The following RFESD variants were observed in gnomAD, a reference collection of about 807,000 sequenced individuals.
RFESD encodes the protein Rieske Fe-S domain containing.
RFESD carries 16 observed loss-of-function variants against 24.4 expected under a neutral mutation model. The observed-to-expected ratio is 0.66, with a 90% CI of 0.44 to 1.00. The LOEUF (loss-of-function observed/expected upper bound fraction) is 1.00, where lower values mean the gene tolerates loss of function less well. Among genes scored for constraint, RFESD ranks in the 50% least tolerant of loss-of-function variants. RFESD has a pLI of 0.00. For missense variants in RFESD, 208 were observed against 247.0 expected, an observed-to-expected ratio of 0.84 and a Z score of 1.06; for synonymous variants, 59 against 81.8, an observed-to-expected ratio of 0.72 and a Z score of 1.50.
intron 5 of RFESD, 95 bp from the exon 6 acceptor site, chr5:95,655,950 TG>T (rs1313975824): frequency 8.7e-7 from 1 of 1,155,992 alleles, no homozygotes; most frequent in Non-Finnish European, 1.2e-6. Flanking sequence ...AAAGCTAACC[TG>T]TTTTTTTAAC....
chr5:95,653,239 C>T (rs1187795572), intron 3 of RFESD, 25 bp downstream of exon 3: 1 of 1,551,218 alleles, frequency 6.4e-7, no homozygotes, highest in South Asian at 1.2e-5. Context: ...GGTTTTCATT[C>T]ATACCCACCT....
intron 5 of RFESD, 181 bp from the exon 6 acceptor site, chr5:95,655,865 A>G: frequency 1.7e-6 from 1 of 575,196 alleles, no homozygotes; most frequent in East Asian, 2.9e-5. Context: ...AATCAACTGT[A>G]AAAGAGCTTG....
Position 95,654,137 on chromosome 5 carries a change from A to C in RFESD, c.235A>C (p.Ile79Leu). ...TGTGTGTGTGGGCAGAGAAGATGAC[A>C]TTAAAAAATCTGAAAGAATGACAGC... ...SSVCVGREDD[I>L]KKSERMTAVV... Residue 79 changes from isoleucine to leucine, a missense_variant, in exon 4 of 6, where the codon ATT (isoleucine) becomes CTT (leucine). Physicochemically the swap from Ile to Leu is conservative, Grantham distance 5. Coordinates refer to ENST00000380005, the MANE Select transcript of RFESD (RefSeq NM_001131066.2). 1 of 1,612,316 alleles carries C rather than the reference A, an allele frequency of 6.2e-7. No individual in the cohort carries two copies. Among genetic ancestry groups the C allele is most frequent in the African/African-American group, 1.3e-5 (1 of 75,000 alleles).
Position 95,653,110 on chromosome 5 carries a change from C to T in RFESD, c.61-7C>T, listed in dbSNP as rs978890547. 1 of 1,551,416 alleles carries T rather than the reference C, an allele frequency of 6.4e-7. No homozygotes were observed. The highest frequency in any genetic ancestry group is 1.4e-5 in the African/African-American group (1 of 73,032). On this transcript the variant is annotated splice_polypyrimidine_tract_variant and splice_region_variant and intron_variant, in intron 2 of 5. Transcript: ENST00000380005. ...CCTTCAGGCTTTTGTATTTGCTCTTCTTTCAGTATGGAATTCTCTTCCCCA... is the reference window on the plus strand; with the variant it reads ...CCTTCAGGCTTTTGTATTTGCTCTTTTTTCAGTATGGAATTCTCTTCCCCA...
chr5:95,654,093 A>G lies in RFESD; in HGVS notation c.191A>G (p.Glu64Gly). ...CTTGATGGCTCTGCACAAGATCCTG[A>G]AAAGAGGGAATATTCTTCTGTGTGT... The part of the protein sequence containing the change: ...MNLDGSAQDP[E>G]KREYSSVCVG... The change falls in exon 4 of 6, where the codon GAA becomes GGA. Residue 64 changes from glutamate to glycine, a missense_variant. Physicochemically the swap from Glu to Gly is moderately conservative, Grantham distance 98. Transcript: ENST00000380005. 6.2e-7 allele frequency: 1 copy of G among 1,611,664 alleles called. No homozygotes were observed. Among genetic ancestry groups the G allele is most frequent in the Non-Finnish European group, 8.5e-7 (1 of 1,179,780 alleles).
chr5:95,648,381 G>A (rs1750188291), intron 1 of RFESD, among the ~76,000 whole-genome samples: 1 of 152,166 alleles, frequency 6.6e-6, no homozygotes. Context: ...GTTTCATTCA[G>A]TTAAGATTCT....
At chr5:95,650,386 T>C (rs1428955211) in intron 1 of RFESD, among the ~76,000 whole-genome samples, 1 of 152,158 alleles carries the variant, frequency 6.6e-6, no homozygotes, top group Admixed American at 6.5e-5. Context: ...TGCACAAACA[T>C]GAACACACAT....
intron 5 of RFESD, among the ~76,000 whole-genome samples, chr5:95,654,903 T>C (rs1750642425): frequency 6.6e-6 from 1 of 152,030 alleles, no homozygotes; most frequent in Non-Finnish European, 1.5e-5. Context: ...ATTATTTTTA[T>C]AATATAACAA....
At chr5:95,655,996 C>G in intron 5 of RFESD, 50 bp from the exon 6 acceptor site, 1 of 1,565,660 alleles carries the variant, frequency 6.4e-7, no homozygotes, top group Non-Finnish European at 8.7e-7. Context: ...CAGAGTCTAT[C>G]AAGAACATTT....
In RFESD at chr5:95,653,197, G is replaced by A. The variant is rs1268520563; in HGVS notation, c.141G>A (p.Val47=). Residue 47 remains valine, a synonymous_variant, in exon 3 of 6, where the codon GTG becomes GTA. Transcript: ENST00000380005. ...FGHFSSAVIS[V]TSFYLSMNLD... ...ATTTCAGCTCAGCTGTCATCTCAGT[G>A]ACCAGTTTTTATCTGAGGTAAGAAA... 3.2e-6 allele frequency: 5 copies of A among 1,551,636 alleles called. No individual in the cohort carries two copies. Among genetic ancestry groups the A allele is most frequent in the South Asian group, 2.4e-5 (2 of 84,024 alleles).
Position 95,656,585 on chromosome 5 carries a change from G to A in RFESD, c.*276G>A. The A allele has an allele frequency of 1.3e-5, 3 of 223,566 alleles. No homozygotes were observed. The highest frequency in any genetic ancestry group is 1.1e-4 in the Admixed American group (2 of 17,628). The allele number at this position is 223,566 out of a possible 1,614,324, so 13.8% of individuals were successfully genotyped here. On this transcript the variant is annotated 3_prime_UTR_variant, in exon 6 of 6. Coordinates refer to ENST00000380005, the MANE Select transcript of RFESD (RefSeq NM_001131066.2). ...GTTTAAGAAGGATAAAAATAAATTT[G>A]GAGTAAACAAATAATAGGTAAAAAT...
At position 95,655,986 on chromosome 5, in the gene RFESD, C is replaced by G. The variant is rs138556731; in HGVS notation, c.370-60C>G. On this transcript the variant is annotated intron_variant, in intron 5 of 5. Coordinates refer to ENST00000380005, the MANE Select transcript of RFESD (RefSeq NM_001131066.2). The stretch of plus-strand genomic sequence containing the variant: ...CCTGGTTCTTCTGCAGCAGACTCTT[C>G]AGAGTCTATCAAGAACATTTGACAT... 5.6e-4 allele frequency: 825 copies of G among 1,485,786 alleles called. 9 individuals carry two copies. In the African/African-American group the frequency reaches 0.01, roughly 18 times the overall value. The allele number at this position is 1,485,786 out of a possible 1,614,324, so 92.0% of individuals were successfully genotyped here. A position where few individuals can be genotyped will look rare whatever the true frequency, so the allele number is the denominator to read the frequency against.
intron 5 of RFESD, 43 bp from the exon 6 acceptor site, chr5:95,656,003 A>G: frequency 6.3e-7 from 1 of 1,586,554 alleles, no homozygotes; most frequent in Non-Finnish European, 8.6e-7. Flanking sequence ...TATCAAGAAC[A>G]TTTGACATGT....
rs1750769912 is a variant in RFESD, at chr5:95,656,473, A to C, written c.*164A>C. The C allele has an allele frequency of 3.4e-6, 2 of 594,450 alleles. No homozygotes were observed. The highest frequency in any genetic ancestry group is 5.9e-6 in the Non-Finnish European group (2 of 338,742). The allele number at this position is 594,450 out of a possible 1,614,324, so 36.8% of individuals were successfully genotyped here. On this transcript the variant is annotated 3_prime_UTR_variant, in exon 6 of 6. Coordinates refer to ENST00000380005, the MANE Select transcript of RFESD (RefSeq NM_001131066.2). Reference sequence around the variant, plus strand: ...GAGCACACATACTTAGTATGATGTAAGGATTATCATCAGGATCAATAGAAT... The same window carrying C: ...GAGCACACATACTTAGTATGATGTACGGATTATCATCAGGATCAATAGAAT...
Position 95,656,294 on chromosome 5 carries a change from T to C in RFESD, c.618T>C (p.Ile206=). The C allele has an allele frequency of 1.2e-6, 2 of 1,608,828 alleles. No individual in the cohort carries two copies. The highest frequency in any genetic ancestry group is 1.7e-6 in the Non-Finnish European group (2 of 1,176,588). ...ATGCCACTGGAGACTTCAAAGTAATTAAGAGTTCTTCCTGATAAAAAATAT... is the reference window on the plus strand; with the variant it reads ...ATGCCACTGGAGACTTCAAAGTAATCAAGAGTTCTTCCTGATAAAAAATAT... The part of the protein sequence containing the change: ...DFYATGDFKV[I]KSSS The change falls in exon 6 of 6, where the codon ATT becomes ATC. Residue 206 remains isoleucine, a synonymous_variant. Coordinates refer to ENST00000380005, the MANE Select transcript of RFESD (RefSeq NM_001131066.2).
intron 5 of RFESD, 107 bp from the exon 6 acceptor site, chr5:95,655,938 GA>G: frequency 2.0e-6 from 2 of 1,009,300 alleles, no homozygotes; most frequent in Middle Eastern, 4.3e-4. Flanking sequence ...AGGAAAAAAA[GA>G]AAAGCTAACC....
In RFESD at chr5:95,654,317, T is replaced by G; in HGVS notation, c.335-16T>G. 6.2e-7 allele frequency: 1 copy of G among 1,609,304 alleles called. No individual in the cohort carries two copies. The highest frequency in any genetic ancestry group is 8.5e-7 in the Non-Finnish European group (1 of 1,176,724). ...AGTTTTTTAGTGACTGCAGGTAATATTCAATTCCTTTTCAGACTCAGGAGG... is the reference window on the plus strand; with the variant it reads ...AGTTTTTTAGTGACTGCAGGTAATAGTCAATTCCTTTTCAGACTCAGGAGG... On this transcript the variant is annotated splice_polypyrimidine_tract_variant and intron_variant, in intron 4 of 5. Transcript: ENST00000380005.
intron 1 of RFESD, among the ~76,000 whole-genome samples, chr5:95,649,853 T>C (rs1170143960): frequency 6.6e-6 from 1 of 152,244 alleles, no homozygotes; most frequent in Non-Finnish European, 1.5e-5. Flanking sequence ...CAGTTATATG[T>C]ATTGCAAATT....
At chr5:95,653,885 G>A (rs1417889568) in intron 3 of RFESD, among the ~76,000 whole-genome samples, 176 bp from the exon 4 acceptor site, 1 of 152,168 alleles carries the variant, frequency 6.6e-6, no homozygotes, top group Non-Finnish European at 1.5e-5. Context: ...GTGACAGAGT[G>A]AGACTCTGTC....
Sources: gnomAD v4.1 joint callset for allele counts (sites outside exome capture counted in the v4.1 genomes callset) on GRCh38, gnomAD v4.1.1 for gene constraint, MANE v1.5 for transcripts, NCBI Gene and HGNC (gene_info 2026-07-23, HGNC 2026-07-21) for gene names.